Variants in IMMP1L observed in about 807,000 individuals in gnomAD.
IMMP1L encodes the protein mitochondrial inner membrane protease subunit 1.
Under a neutral mutation model 21.8 loss-of-function variants are expected in IMMP1L, and 24 were observed. That is an observed-to-expected ratio of 1.10 (90% CI 0.80 to 1.55). The LOEUF (loss-of-function observed/expected upper bound fraction) is 1.55. IMMP1L is among the 40% of genes most tolerant of loss of function. The pLI is 0.00. For synonymous variants in IMMP1L, 46 were observed against 62.8 expected, an observed-to-expected ratio of 0.73 and a Z score of 1.26; for missense variants, 195 against 200.7, an observed-to-expected ratio of 0.97 and a Z score of 0.17.
At chr11:31,482,473 T>C (rs1237763594) in intron 1 of IMMP1L, among the ~76,000 whole-genome samples, 4 of 152,006 alleles carry the variant, frequency 2.6e-5, no homozygotes, top group African/African-American at 4.8e-5. Flanking sequence ...AGAACTCATA[T>C]TTTGAATATA....
intron 1 of IMMP1L, among the ~76,000 whole-genome samples, chr11:31,509,069 C>T (rs1955900131): frequency 6.6e-6 from 1 of 152,202 alleles, no homozygotes; most frequent in Admixed American, 6.5e-5. Flanking sequence ...TTAGGAAAGA[C>T]ATCCAAGACT....
intron 1 of IMMP1L, among the ~76,000 whole-genome samples, chr11:31,507,187 G>A (rs1955804603): frequency 6.6e-6 from 1 of 151,694 alleles, no homozygotes; most frequent in African/African-American, 2.4e-5. Flanking sequence ...GCTGAGGCAG[G>A]AGAATGGTGT....
At chr11:31,471,253 A>G (rs1227168934) in intron 1 of IMMP1L, among the ~76,000 whole-genome samples, 2 of 152,174 alleles carry the variant, frequency 1.3e-5, no homozygotes, top group African/African-American at 2.4e-5. Flanking sequence ...GTGTTCAAGA[A>G]AAATCTCCCA....
intron 3 of IMMP1L, among the ~76,000 whole-genome samples, chr11:31,456,903 A>AC (rs1953962642): frequency 7.8e-6 from 1 of 128,396 alleles, no homozygotes; most frequent in Non-Finnish European, 1.6e-5. Context: ...AAAAAAAAAA[A>AC]CCACACACAC....
At chr11:31,492,442 A>C (rs886316652) in intron 1 of IMMP1L, among the ~76,000 whole-genome samples, 5 of 152,164 alleles carry the variant, frequency 3.3e-5, no homozygotes, top group Non-Finnish European at 7.4e-5. Flanking sequence ...CTTTCTCCAT[A>C]TGAGTAATAA....
chr11:31,437,855 C>A (rs1467555055), intron 4 of IMMP1L, among the ~76,000 whole-genome samples: 1 of 151,970 alleles, frequency 6.6e-6, no homozygotes. Flanking sequence ...TACAAAGTAC[C>A]TATTTTGTGT....
At chr11:31,508,347 T>C (rs954123796) in intron 1 of IMMP1L, among the ~76,000 whole-genome samples, 9 of 152,240 alleles carry the variant, frequency 5.9e-5, no homozygotes, top group African/African-American at 2.2e-4. Context: ...GAGACCATTT[T>C]TATTACCATA....
chr11:31,453,041 C>G (rs185145613), intron 4 of IMMP1L: 1 of 1,286,640 alleles, frequency 7.8e-7, no homozygotes, highest in African/African-American at 1.5e-5. Flanking sequence ...CGTGAGCCAC[C>G]GCGGCCGGCC....
chr11:31,462,884 T>A (rs1954199662), intron 2 of IMMP1L, among the ~76,000 whole-genome samples: 1 of 152,186 alleles, frequency 6.6e-6, no homozygotes, highest in African/African-American at 2.4e-5. Flanking sequence ...TAAATAGGAT[T>A]CAATAAATGG....
chr11:31,500,689 A>T (rs1955592485), intron 1 of IMMP1L, among the ~76,000 whole-genome samples: 1 of 152,120 alleles, frequency 6.6e-6, no homozygotes. Context: ...AAAAATACAT[A>T]AAGCTGTAGA....
At chr11:31,437,504 AC>A (rs967160018) in intron 4 of IMMP1L, among the ~76,000 whole-genome samples, 5 of 152,234 alleles carry the variant, frequency 3.3e-5, no homozygotes, top group African/African-American at 1.2e-4. Flanking sequence ...CAGTAAAAAA[AC>A]ATAATGTTTG....
chr11:31,483,980 G>A (rs559855833), intron 1 of IMMP1L, among the ~76,000 whole-genome samples: 2 of 151,662 alleles, frequency 1.3e-5, no homozygotes, highest in East Asian at 3.9e-4. Flanking sequence ...TGCTTTAAGA[G>A]ATAAGCTAGG....
At chr11:31,498,743 G>A (rs147198690) in intron 1 of IMMP1L, among the ~76,000 whole-genome samples, 13 of 152,244 alleles carry the variant, frequency 8.5e-5, no homozygotes, top group Admixed American at 5.2e-4. Context: ...TTCCACTTAC[G>A]AGCTTTCTGA....
chr11:31,486,523 A>G (rs1344250448), intron 1 of IMMP1L, among the ~76,000 whole-genome samples: 5 of 151,928 alleles, frequency 3.3e-5, no homozygotes, highest in Non-Finnish European at 7.4e-5. Flanking sequence ...AAGGCCTACA[A>G]TAAAAGAAAT....
intron 4 of IMMP1L, among the ~76,000 whole-genome samples, chr11:31,444,332 C>T (rs1953442366): frequency 6.6e-6 from 1 of 152,108 alleles, no homozygotes; most frequent in Non-Finnish European, 1.5e-5. Context: ...CCCTGGTTTC[C>T]CAGGCAGTCT....
Position 31,453,170 on chromosome 11 carries a change from C to A in IMMP1L, c.321+3090G>T. ...TTAAAACTCTGGAATGGAAAACAAA[C>A]AAACAAAAAAGAACTCTGGAAAGAA... is the stretch of plus-strand genomic sequence containing the variant. On this transcript the variant is annotated intron_variant, in intron 4 of 5. Coordinates refer to ENST00000532287, the MANE Select transcript of IMMP1L (RefSeq NM_001304274.2). The A allele has an allele frequency of 5.1e-6, 6 of 1,180,398 alleles. No homozygotes were observed. In the Admixed American group the frequency reaches 8.2e-5, roughly 16 times the overall value. 73.1% of individuals were successfully genotyped at this position (1,180,398 alleles called of 1,614,324 possible). A position where few individuals can be genotyped will look rare whatever the true frequency, so the allele number is the denominator to read the frequency against.
At chr11:31,441,411 A>G (rs1465821449) in intron 4 of IMMP1L, among the ~76,000 whole-genome samples, 2 of 151,452 alleles carry the variant, frequency 1.3e-5, no homozygotes, top group African/African-American at 2.4e-5. Context: ...TTCTTTGTAC[A>G]GTACAAGTAA....
intron 1 of IMMP1L, chr11:31,477,061 A>G (rs1954751943): frequency 6.6e-6 from 1 of 152,124 alleles, no homozygotes; most frequent in Admixed American, 6.5e-5. Flanking sequence ...CCCTTTCATC[A>G]GCAGTTTCAG....
intron 1 of IMMP1L, among the ~76,000 whole-genome samples, chr11:31,504,158 C>T (rs1165068916): frequency 3.3e-5 from 5 of 151,908 alleles, no homozygotes; most frequent in Non-Finnish European, 5.9e-5. Context: ...AGATCATCTT[C>T]GAAATTTTGG....
Sources: gnomAD v4.1 joint callset for allele counts (sites outside exome capture counted in the v4.1 genomes callset) on GRCh38, gnomAD v4.1.1 for gene constraint, MANE v1.5 for transcripts, NCBI Gene and HGNC (gene_info 2026-07-23, HGNC 2026-07-21) for gene names.